The following PTPRQ variants were observed in gnomAD, a reference collection of about 807,000 sequenced individuals.
PTPRQ encodes protein tyrosine phosphatase receptor type Q.
In PTPRQ, 199 loss-of-function variants were observed where a neutral mutation model predicts 246.0. The observed-to-expected ratio is 0.81, with a 90% confidence interval of 0.72 to 0.91. The LOEUF is 0.91. PTPRQ is among the 40% of genes least tolerant of loss of function. The pLI, the probability that PTPRQ is intolerant of heterozygous loss-of-function variation, is 0.00. For missense variants in PTPRQ, 2,624 were observed against 2,528.4 expected (o/e 1.04, Z -0.81); for synonymous variants, 869 against 853.2 (o/e 1.02, Z -0.32).
intron 38 of PTPRQ, among the ~76,000 whole-genome samples, chr12:80,655,838 TC>T (rs1900414751): frequency 6.6e-6 from 1 of 152,180 alleles, no homozygotes; most frequent in Admixed American, 6.6e-5. Flanking sequence ...ATTGTTTCTC[TC>T]CCCTGAGTAA....
Position 80,541,701 on chromosome 12 carries a change from C to T in PTPRQ, c.3301C>T (p.Pro1101Ser). The T allele has an allele frequency of 6.4e-7, 1 of 1,551,310 alleles. No individual in the cohort carries two copies. The highest frequency in any genetic ancestry group is 8.7e-7 in the Non-Finnish European group (1 of 1,146,722). The change falls in exon 21 of 45, where the codon CCA becomes TCA. Residue 1101 changes from proline (P) to serine (S), a missense_variant. Transcript: ENST00000644991. Reference protein sequence around the residue: ...ILQQTPRHVRPPLVTYERSIY... With the variant: ...ILQQTPRHVRSPLVTYERSIY... ...ACAGCAGACTCCTCGCCATGTGAGA[C>T]CACCTCTTGTTACATATGAGAGAAG...
At chr12:80,518,140 C>A (rs765538209) in intron 17 of PTPRQ, among the ~76,000 whole-genome samples, 38 of 152,126 alleles carry the variant, frequency 2.5e-4, no homozygotes, top group Non-Finnish European at 4.0e-4. Context: ...TTCTCTCCAA[C>A]ATTTGTTATT....
chr12:80,483,405 T>C (rs1223870105), intron 8 of PTPRQ, among the ~76,000 whole-genome samples: 29 of 136,512 alleles, frequency 2.1e-4, no homozygotes, highest in African/African-American at 4.9e-4. Flanking sequence ...AGGGATAGCA[T>C]TGGGAGATAT....
chr12:80,472,023 T>G, intron 7 of PTPRQ, 82 bp from the exon 8 acceptor site: 1 of 1,495,766 alleles, frequency 6.7e-7, no homozygotes, highest in East Asian at 2.5e-5. Flanking sequence ...CTTGAATTGT[T>G]GTCTTTGGCT....
intron 6 of PTPRQ, among the ~76,000 whole-genome samples, chr12:80,468,392 A>T (rs985785245): frequency 1.1e-4 from 17 of 152,314 alleles, no homozygotes; most frequent in Middle Eastern, 6.8e-3. Flanking sequence ...ATATGCAGGT[A>T]TAAATGTTTC....
At chr12:80,498,975 A>G (rs1037266119) in intron 14 of PTPRQ, among the ~76,000 whole-genome samples, 2 of 152,080 alleles carry the variant, frequency 1.3e-5, no homozygotes, top group Non-Finnish European at 2.9e-5. Context: ...TTAAGTGAAT[A>G]TAAATTTTGA....
chr12:80,458,080 T>C (rs758437158), intron 4 of PTPRQ, among the ~76,000 whole-genome samples: 1 of 152,078 alleles, frequency 6.6e-6, no homozygotes, highest in Non-Finnish European at 1.5e-5. Context: ...CATAAGACTT[T>C]TGGAAACACG....
At position 80,679,305 on chromosome 12, in the gene PTPRQ, T is replaced by A; in HGVS notation, c.*282T>A. 1 of 255,364 alleles carries A rather than the reference T, an allele frequency of 3.9e-6. No individual in the cohort carries two copies. Among genetic ancestry groups the A allele is most frequent in the Non-Finnish European group, 7.3e-6 (1 of 136,130 alleles). 15.8% of individuals were successfully genotyped at this position (255,364 alleles called of 1,614,324 possible). ...CCTCCATATTTTGGAATAAGCCAAA[T>A]AGAAAATTATTATTATATTAGCATT... On this transcript the variant is annotated 3_prime_UTR_variant, in exon 45 of 45. Transcript: ENST00000644991.
chr12:80,554,786 A>G (rs78175728), intron 25 of PTPRQ, among the ~76,000 whole-genome samples: 3 of 152,172 alleles, frequency 2.0e-5, no homozygotes, highest in Non-Finnish European at 4.4e-5. Flanking sequence ...TATGTCACCG[A>G]GGCTGGAGTG....
chr12:80,647,260 C>T (rs1388046682), intron 35 of PTPRQ, among the ~76,000 whole-genome samples: 16 of 152,112 alleles, frequency 1.1e-4, no homozygotes, highest in Non-Finnish European at 1.5e-5. Context: ...ATAATATTTG[C>T]TGTTATTATA....
At chr12:80,556,573 T>A (rs977046870) in intron 25 of PTPRQ, among the ~76,000 whole-genome samples, 1 of 152,184 alleles carries the variant, frequency 6.6e-6, no homozygotes, top group African/African-American at 2.4e-5. Context: ...AAAGTCAGGT[T>A]TTCTAAATGT....
At chr12:80,637,228 C>G (rs576593138) in intron 35 of PTPRQ, among the ~76,000 whole-genome samples, 1 of 151,802 alleles carries the variant, frequency 6.6e-6, no homozygotes, top group Non-Finnish European at 1.5e-5. Flanking sequence ...ACTGTCATGG[C>G]AGCTACAGAA....
chr12:80,531,339 CATA>C (rs1279768012), intron 17 of PTPRQ, among the ~76,000 whole-genome samples: 2 of 152,000 alleles, frequency 1.3e-5, no homozygotes, highest in South Asian at 4.1e-4. Flanking sequence ...TAATGGAACA[CATA>C]ATAATTATAA....
chr12:80,518,345 T>G (rs1895368775), intron 17 of PTPRQ, among the ~76,000 whole-genome samples: 1 of 152,204 alleles, frequency 6.6e-6, no homozygotes, highest in Non-Finnish European at 1.5e-5. Context: ...TTCTTTTTCC[T>G]GTAGAGTTGT....
chr12:80,479,504 A>T (rs1893953364), intron 8 of PTPRQ, among the ~76,000 whole-genome samples: 1 of 149,290 alleles, frequency 6.7e-6, no homozygotes, highest in Non-Finnish European at 1.5e-5. Context: ...TCATAATGAC[A>T]GGATCAAATT....
intron 33 of PTPRQ, among the ~76,000 whole-genome samples, chr12:80,624,950 G>A (rs1314297662): frequency 1.3e-5 from 2 of 152,156 alleles, no homozygotes; most frequent in Non-Finnish European, 2.9e-5. Context: ...ACAAATTTCT[G>A]TTGGCCCACG....
intron 24 of PTPRQ, among the ~76,000 whole-genome samples, chr12:80,548,034 A>G (rs1378198922): frequency 6.6e-6 from 1 of 152,186 alleles, no homozygotes; most frequent in Non-Finnish European, 1.5e-5. Context: ...GAGTGATAGA[A>G]TATAAAAATG....
intron 29 of PTPRQ, among the ~76,000 whole-genome samples, chr12:80,615,159 T>C (rs1489272530): frequency 6.6e-6 from 1 of 150,982 alleles, no homozygotes; most frequent in East Asian, 2.0e-4. Flanking sequence ...GAAATAAAAA[T>C]AATGGACCAT....
chr12:80,571,587 T>C (rs1164308909), intron 25 of PTPRQ, among the ~76,000 whole-genome samples: 1 of 152,236 alleles, frequency 6.6e-6, no homozygotes, highest in Admixed American at 6.5e-5. Context: ...TGTCAGTACA[T>C]TTTGTGTCCT....
Sources: allele counts gnomAD v4.1 joint callset (sites outside exome capture counted in the v4.1 genomes callset), GRCh38; gene constraint gnomAD v4.1.1; transcripts MANE v1.5; gene names NCBI Gene and HGNC (gene_info 2026-07-23, HGNC 2026-07-21).